The following ANKFY1 variants were observed in gnomAD, a reference collection of about 807,000 sequenced individuals.
The protein encoded by ANKFY1 is ankyrin repeat and FYVE domain-containing protein 1.
Under a neutral mutation model 128.3 loss-of-function variants are expected in ANKFY1, and 47 were observed. The observed-to-expected ratio is 0.37, with a 90% CI of 0.29 to 0.47. ANKFY1 has a LOEUF of 0.47. Among genes scored for constraint, ANKFY1 ranks in the 20% least tolerant of loss-of-function variants. The probability of loss-of-function intolerance (pLI) is 1.00; values close to 1 mark genes in which losing one functional copy is unlikely to be tolerated. For synonymous variants in ANKFY1, 553 were observed against 601.6 expected, an observed-to-expected ratio of 0.92 and a Z score of 1.18; for missense variants, 1,222 against 1,510.6, an observed-to-expected ratio of 0.81 and a Z score of 3.17.
intron 1 of ANKFY1, among the ~76,000 whole-genome samples, chr17:4,259,906 A>T (rs1968315670): frequency 6.6e-6 from 1 of 152,162 alleles, no homozygotes; most frequent in Non-Finnish European, 1.5e-5. Flanking sequence ...ACAGACACTG[A>T]GTGAATAAAG....
At chr17:4,252,585 T>G (rs1967899570) in intron 1 of ANKFY1, among the ~76,000 whole-genome samples, 1 of 151,970 alleles carries the variant, frequency 6.6e-6, no homozygotes, top group Non-Finnish European at 1.5e-5. Flanking sequence ...ATTGGAGAAC[T>G]AGAAGCTAGA....
Position 4,263,916 on chromosome 17 carries a change from CACAAAAAAACCCT to C in ANKFY1, c.10+3_10+15del. The C allele has an allele frequency of 6.2e-7, 1 of 1,613,918 alleles. No homozygotes were observed. The highest frequency in any genetic ancestry group is 8.5e-7 in the Non-Finnish European group (1 of 1,179,902). ...AGCTCCGTGTCTTCCCGCGCGGCTC[CACAAAAAAACCCT>C]ACCTTCCGCCATGTCTGGCCCGGCA... On this transcript the variant is annotated splice_donor_5th_base_variant and intron_variant, in intron 1 of 24. Transcript: ENST00000341657.
intron 1 of ANKFY1, among the ~76,000 whole-genome samples, chr17:4,248,240 G>A (rs1025412255): frequency 8.0e-5 from 12 of 149,104 alleles, no homozygotes; most frequent in African/African-American, 3.1e-4. Flanking sequence ...AGCTGCGGGC[G>A]AGTCAGCATG....
chr17:4,223,649 C>T (rs1217392481), intron 3 of ANKFY1: 3 of 1,583,312 alleles, frequency 1.9e-6, no homozygotes, highest in African/African-American at 2.7e-5. Context: ...GGACACTGAC[C>T]CCTTCGAGAT....
In ANKFY1 at chr17:4,205,482, CCT is replaced by C. The variant is rs1489913916; in HGVS notation, c.898+837_898+838del. Among the ~76,000 whole-genome samples, 8 of 152,276 alleles carry C rather than the reference CCT, an allele frequency of 5.3e-5. No individual in the cohort carries two copies. The South Asian group carries it at 1.7e-3, about 32-fold the overall frequency. On this transcript the variant is annotated intron_variant, in intron 7 of 24. Transcript: ENST00000341657. ...TTCTGGGAGGACGCGGTGGCTCACG[CCT>C]CTAATCCCAGCACTTTGGGAGGCCA...
At chr17:4,238,750 G>A (rs1034920992) in intron 2 of ANKFY1, among the ~76,000 whole-genome samples, 4 of 151,312 alleles carry the variant, frequency 2.6e-5, no homozygotes, top group Non-Finnish European at 5.9e-5. Context: ...ACAGGTGTGA[G>A]CCACCACACC....
chr17:4,204,239 G>T (rs145507114), intron 7 of ANKFY1, among the ~76,000 whole-genome samples: 177 of 152,318 alleles, frequency 1.2e-3, no homozygotes, highest in Non-Finnish European at 2.3e-3. Context: ...ATGAATGGCA[G>T]GGTTGACCCC....
chr17:4,199,349 C>G (rs2059885806), intron 7 of ANKFY1, among the ~76,000 whole-genome samples: 1 of 152,142 alleles, frequency 6.6e-6, no homozygotes, highest in Admixed American at 6.6e-5. Context: ...TGCCACCATG[C>G]CTGGCTTATT....
chr17:4,217,869 A>G (rs2060247281), intron 3 of ANKFY1, among the ~76,000 whole-genome samples: 1 of 152,112 alleles, frequency 6.6e-6, no homozygotes, highest in Admixed American at 6.5e-5. Context: ...TATTTTTTGC[A>G]GAGACGGTTT....
At chr17:4,229,835 A>C (rs1198588925) in intron 3 of ANKFY1, among the ~76,000 whole-genome samples, 1 of 152,244 alleles carries the variant, frequency 6.6e-6, no homozygotes, top group Non-Finnish European at 1.5e-5. Flanking sequence ...AAGAAGCCAC[A>C]GTGCCTTCGA....
rs1157546559 is a variant in ANKFY1, at chr17:4,195,059, C to T, written c.1291G>A (p.Gly431Arg). The T allele has an allele frequency of 6.2e-7, 1 of 1,614,194 alleles. No individual in the cohort carries two copies. Among genetic ancestry groups the T allele is most frequent in the South Asian group, 1.1e-5 (1 of 91,078 alleles). Residue 431 changes from glycine (G) to arginine (R), a missense_variant, in exon 10 of 25, where the codon GGG becomes AGG. By Grantham distance (125) the Gly-to-Arg change is moderately radical. Transcript: ENST00000341657. ...NPFEDVPVVN[G>R]TSFDENSFAA... Reference sequence around the variant, plus strand: ...AAGCTGTTCTCATCAAATGAAGTCCCATTTACCACGGGGACATCTTCGAAG... The same window carrying T: ...AAGCTGTTCTCATCAAATGAAGTCCTATTTACCACGGGGACATCTTCGAAG...
chr17:4,197,460 G>A lies in ANKFY1; in HGVS notation c.1016C>T (p.Ser339Leu), dbSNP rs1567934236. Residue 339 changes from serine (S) to leucine (L), a missense_variant, in exon 8 of 25, where the codon TCA becomes TTA. Transcript: ENST00000341657. The part of the protein sequence containing the change: ...LVALYSSKKH[S>L]ADVMSEMAQI... ...CGCCATCTCAGACATCACATCTGCT[G>A]AGTGTTTCTTTGAACTGTACAAGGC... is the stretch of plus-strand genomic sequence containing the variant. 1 of 1,614,184 alleles carries A rather than the reference G, an allele frequency of 6.2e-7. No homozygotes were observed.
intron 4 of ANKFY1, among the ~76,000 whole-genome samples, chr17:4,212,245 T>C (rs2060146414): frequency 6.6e-6 from 1 of 152,212 alleles, no homozygotes; most frequent in Non-Finnish European, 1.5e-5. Context: ...GCCAGCAGCC[T>C]CCACCAAAAC....
chr17:4,217,393 A>G (rs576948829), intron 3 of ANKFY1, among the ~76,000 whole-genome samples: 2 of 152,008 alleles, frequency 1.3e-5, no homozygotes, highest in South Asian at 4.2e-4. Flanking sequence ...CTAAAAATAC[A>G]AAAAAAATTA....
chr17:4,210,228 C>T (rs144218157), intron 4 of ANKFY1, among the ~76,000 whole-genome samples: 6 of 152,190 alleles, frequency 3.9e-5, no homozygotes, highest in African/African-American at 1.2e-4. Flanking sequence ...AGCACACATA[C>T]GACACCCGCT....
chr17:4,241,463 G>A (rs1281979825), intron 2 of ANKFY1, among the ~76,000 whole-genome samples: 1 of 151,232 alleles, frequency 6.6e-6, no homozygotes, highest in East Asian at 2.0e-4. Flanking sequence ...ATATTTTTTT[G>A]TAGAGACGGG....
At chr17:4,225,274 T>C (rs2060406459) in intron 3 of ANKFY1, among the ~76,000 whole-genome samples, 1 of 152,058 alleles carries the variant, frequency 6.6e-6, no homozygotes, top group East Asian at 1.9e-4. Flanking sequence ...GGAGAATCTC[T>C]TGAAGCCGGG....
At chr17:4,177,069 G>A in intron 19 of ANKFY1, 57 bp downstream of exon 19, 1 of 1,435,326 alleles carries the variant, frequency 7.0e-7, no homozygotes, top group Admixed American at 2.4e-5. Context: ...TTCTGCACAA[G>A]CTCTACAATA....
chr17:4,208,450 A>G (rs561281267), intron 5 of ANKFY1, among the ~76,000 whole-genome samples: 2 of 152,314 alleles, frequency 1.3e-5, no homozygotes, highest in South Asian at 2.1e-4. Flanking sequence ...GGAGCCTCAC[A>G]TGAGAGCAGG....
Sources: gnomAD v4.1 joint callset for allele counts (sites outside exome capture counted in the v4.1 genomes callset) on GRCh38, gnomAD v4.1.1 for gene constraint, MANE v1.5 for transcripts, NCBI Gene and HGNC (gene_info 2026-07-23, HGNC 2026-07-21) for gene names.